The following NCK1 variants were observed in gnomAD, a reference collection of about 807,000 sequenced individuals.
NCK1 encodes the protein SH2/SH3 adapter protein NCK1.
Under a neutral mutation model 36.6 loss-of-function variants are expected in NCK1, and 19 were observed. The observed-to-expected ratio is 0.52, with a 90% confidence interval of 0.36 to 0.76. The LOEUF is 0.76. NCK1 is among the 30% of genes least tolerant of loss of function. NCK1 has a pLI of 0.00. For missense variants in NCK1, 358 were observed against 445.6 expected (o/e 0.80, Z 1.77); for synonymous variants, 165 against 156.0 (o/e 1.06, Z -0.43).
At chr3:136,885,265 CTCT>C (rs1441898614) in intron 1 of NCK1, among the ~76,000 whole-genome samples, 2 of 152,188 alleles carry the variant, frequency 1.3e-5, no homozygotes, top group Non-Finnish European at 2.9e-5. Context: ...GGGGTTTGTT[CTCT>C]TCTTTAATGT....
At chr3:136,878,434 G>C (rs1053629651) in intron 1 of NCK1, among the ~76,000 whole-genome samples, 5 of 152,034 alleles carry the variant, frequency 3.3e-5, no homozygotes, top group African/African-American at 1.2e-4. Context: ...AATGTGCTAA[G>C]TATACTAAAG....
chr3:136,899,253 A>G (rs1484051115), intron 1 of NCK1: 2 of 262,924 alleles, frequency 7.6e-6, no homozygotes, highest in African/African-American at 2.3e-5. Flanking sequence ...GCATATTTGT[A>G]ATGGTTTCCT....
intron 1 of NCK1, among the ~76,000 whole-genome samples, chr3:136,885,853 T>G (rs748423804): frequency 6.6e-6 from 1 of 152,230 alleles, no homozygotes; most frequent in Non-Finnish European, 1.5e-5. Flanking sequence ...TCATAAGAGA[T>G]ATGTTCTTTT....
intron 1 of NCK1, among the ~76,000 whole-genome samples, chr3:136,901,374 T>TA (rs150096864): frequency 0.072 from 10,848 of 151,522 alleles, 412 homozygotes; most frequent in Non-Finnish European, 0.093. Flanking sequence ...TTTTTTTTTT[T>TA]AAATATTTTT....
intron 1 of NCK1, among the ~76,000 whole-genome samples, chr3:136,918,102 G>A (rs1214550284): frequency 6.6e-6 from 1 of 152,172 alleles, no homozygotes; most frequent in South Asian, 2.1e-4. Flanking sequence ...TTTATGTGGA[G>A]CATTCTGGGA....
At chr3:136,866,364 A>G (rs1341196378) in intron 1 of NCK1, among the ~76,000 whole-genome samples, 3 of 147,698 alleles carry the variant, frequency 2.0e-5, no homozygotes, top group African/African-American at 7.6e-5. Context: ...CTGGAGTGCA[A>G]TGGTGCGATC....
chr3:136,892,166 G>C (rs1337960845), intron 1 of NCK1, among the ~76,000 whole-genome samples: 2 of 152,190 alleles, frequency 1.3e-5, no homozygotes, highest in Non-Finnish European at 2.9e-5. Flanking sequence ...GGGATTATAG[G>C]TGTGAGTCAC....
At chr3:136,933,630 T>G (rs1940448446) in intron 2 of NCK1, among the ~76,000 whole-genome samples, 1 of 152,148 alleles carries the variant, frequency 6.6e-6, no homozygotes, top group Non-Finnish European at 1.5e-5. Flanking sequence ...GTACACTTCC[T>G]CAGTGCTTAG....
intron 1 of NCK1, among the ~76,000 whole-genome samples, chr3:136,866,805 G>T (rs936178674): frequency 2.6e-4 from 39 of 151,892 alleles, no homozygotes; most frequent in Admixed American, 9.8e-4. Context: ...TAGAGATGGG[G>T]TTTCACCATG....
rs140311358 is a variant in NCK1 at position 136,869,321 on chromosome 3, C to T, written c.-19+6968C>T. Among the ~76,000 whole-genome samples, 1,021 of 152,146 alleles carry T rather than the reference C, an allele frequency of 6.7e-3. 18 individuals carry two copies. The highest frequency in any genetic ancestry group is 0.024 in the African/African-American group (986 of 41,514). On this transcript the variant is annotated intron_variant, in intron 1 of 3. Coordinates refer to ENST00000481752, the MANE Select transcript of NCK1 (RefSeq NM_001291999.2). ...CAGCGCTTTGGGAGGCTGAGGTGGGCGGATAACTTGATCCCAGGAGTTCGA... is the reference window on the plus strand; with the variant it reads ...CAGCGCTTTGGGAGGCTGAGGTGGGTGGATAACTTGATCCCAGGAGTTCGA...
intron 2 of NCK1, among the ~76,000 whole-genome samples, chr3:136,943,015 C>T (rs573706464): frequency 4.0e-4 from 61 of 152,180 alleles, no homozygotes; most frequent in South Asian, 2.1e-4. Context: ...AGGTTACTGT[C>T]CACACAGCCA....
rs191755939 is a variant in NCK1, at chr3:136,905,224, G to A, written c.-18-22760G>A. 5.9e-3 allele frequency among the ~76,000 whole-genome samples: 891 copies of A among 152,010 alleles called. 6 individuals are homozygous for A. Among genetic ancestry groups the A allele is most frequent in the Non-Finnish European group, 9.3e-3 (633 of 67,962 alleles). ...CTTTGCAGAGACAGGGTTTCACTGT[G>A]TTAGCCAGTCTTGTCTTGAACTCCT... On this transcript the variant is annotated intron_variant, in intron 1 of 3. Coordinates refer to ENST00000481752, the MANE Select transcript of NCK1 (RefSeq NM_001291999.2).
At chr3:136,913,805 A>C (rs942569319) in intron 1 of NCK1, among the ~76,000 whole-genome samples, 1 of 152,144 alleles carries the variant, frequency 6.6e-6, no homozygotes, top group Non-Finnish European at 1.5e-5. Flanking sequence ...AGTAGCTGGG[A>C]CTACAGGCGC....
chr3:136,898,074 T>C (rs1329589718), intron 1 of NCK1, among the ~76,000 whole-genome samples: 9 of 152,156 alleles, frequency 5.9e-5, no homozygotes, highest in Non-Finnish European at 1.3e-4. Flanking sequence ...GAACTCTCAT[T>C]TTATCATGAA....
chr3:136,900,199 G>A (rs1939506853), intron 1 of NCK1: 2 of 236,730 alleles, frequency 8.4e-6, no homozygotes, highest in East Asian at 1.2e-4. Context: ...TTCCTTTGCT[G>A]TGCAGAAGCC....
Position 136,865,192 on chromosome 3 carries a change from G to A in NCK1, c.-19+2839G>A, listed in dbSNP as rs1016395808. 4.0e-5 allele frequency among the ~76,000 whole-genome samples: 6 copies of A among 151,860 alleles called. No individual in the cohort carries two copies. In the East Asian group the frequency reaches 9.7e-4, roughly 24 times the overall value. On this transcript the variant is annotated intron_variant, in intron 1 of 3. Coordinates refer to ENST00000481752, the MANE Select transcript of NCK1 (RefSeq NM_001291999.2). ...AGGCTGGTCTTGAACTCCTGACCTC[G>A]TGATCCACCTGCCTCGGCCTCCCAA...
At chr3:136,865,538 A>C (rs1938389466) in intron 1 of NCK1, among the ~76,000 whole-genome samples, 1 of 152,234 alleles carries the variant, frequency 6.6e-6, no homozygotes. Context: ...GACTTGACTT[A>C]ATGAATACAG....
chr3:136,895,527 C>T (rs1368984838), intron 1 of NCK1, among the ~76,000 whole-genome samples: 1 of 151,600 alleles, frequency 6.6e-6, no homozygotes, highest in Non-Finnish European at 1.5e-5. Context: ...CTTTTATAAA[C>T]AGCTTTAGTT....
intron 1 of NCK1, among the ~76,000 whole-genome samples, chr3:136,906,396 C>T (rs1265809323): frequency 6.6e-6 from 1 of 152,172 alleles, no homozygotes; most frequent in Non-Finnish European, 1.5e-5. Context: ...AGGTATGAGC[C>T]ACCATGCCTG....
Sources: allele counts gnomAD v4.1 joint callset (sites outside exome capture counted in the v4.1 genomes callset), GRCh38; gene constraint gnomAD v4.1.1; transcripts MANE v1.5; gene names NCBI Gene and HGNC (gene_info 2026-07-23, HGNC 2026-07-21).